The following MMP28 variants were observed in gnomAD, a reference collection of about 807,000 sequenced individuals.
MMP28 encodes matrix metallopeptidase 28, also known as matrix metalloproteinase-28.
Under a neutral mutation model 60.5 loss-of-function variants are expected in MMP28, and 55 were observed. That is an observed-to-expected ratio of 0.91 (90% CI 0.73 to 1.14). The LOEUF (loss-of-function observed/expected upper bound fraction) is 1.14. MMP28 is among the 50% of genes most tolerant of loss of function. MMP28 has a pLI of 0.00. For missense variants in MMP28, 686 were observed against 738.3 expected (o/e 0.93, Z 0.82); for synonymous variants, 318 against 312.5 (o/e 1.02, Z -0.18).
chr17:35,769,954 G>C (rs1466503923), intron 5 of MMP28, 113 bp downstream of exon 5: 14 of 1,354,656 alleles, frequency 1.0e-5, no homozygotes, highest in Non-Finnish European at 1.4e-5. Context: ...CGACAGGGAG[G>C]CCAGATCTAT....
At chr17:35,777,421 C>A (rs1555607895) in intron 3 of MMP28, among the ~76,000 whole-genome samples, 1 of 152,182 alleles carries the variant, frequency 6.6e-6, no homozygotes, top group Non-Finnish European at 1.5e-5. Context: ...GTACTGAGGA[C>A]CCAGAGTGGC....
chr17:35,765,861 C>T, downstream of MMP28: 4 of 985,488 alleles, frequency 4.1e-6, no homozygotes, highest in Non-Finnish European at 4.8e-6. Context: ...CCAAGGAAGG[C>T]TGCTTCCTGC....
intron 5 of MMP28, among the ~76,000 whole-genome samples, chr17:35,768,954 G>A (rs1487918150): frequency 6.6e-6 from 1 of 152,206 alleles, no homozygotes; most frequent in Non-Finnish European, 1.5e-5. Flanking sequence ...GAACTAAGCG[G>A]GTCAGGGAGT....
intron 2 of MMP28, among the ~76,000 whole-genome samples, chr17:35,757,819 AGGCTGGAGT>A (rs2085757193): frequency 1.3e-5 from 2 of 152,248 alleles, no homozygotes; most frequent in East Asian, 3.9e-4. Flanking sequence ...TATGTTGCCG[AGGCTGGAGT>A]GCAGTGGCTA....
chr17:35,770,848 G>A (rs1370707888), intron 4 of MMP28, among the ~76,000 whole-genome samples: 2 of 151,830 alleles, frequency 1.3e-5, no homozygotes, highest in African/African-American at 2.4e-5. Flanking sequence ...CCAGGAGTTC[G>A]AGACCAGCCT....
At chr17:35,756,822 GAGGACTCAGAATAAGTCAT>G (rs2085744534) in intron 2 of MMP28, among the ~76,000 whole-genome samples, 1 of 151,978 alleles carries the variant, frequency 6.6e-6, no homozygotes, top group Non-Finnish European at 1.5e-5. Flanking sequence ...TATTTCCTAA[GAGGACTCAGAATAAGTCAT>G]AGGGCCTGTC....
chr17:35,763,960 C>T (rs190465260), downstream of MMP28: 57 of 1,364,522 alleles, frequency 4.2e-5, no homozygotes, highest in African/African-American at 8.0e-4. Context: ...ATTCTGGACC[C>T]TTTCTCGGGG....
At position 35,773,165 on chromosome 17, in the gene MMP28, G is replaced by T. The variant is rs1210883039; in HGVS notation, c.604+15C>A. On this transcript the variant is annotated intron_variant, in intron 4 of 7. Transcript: ENST00000605424. ...TCCCCTCCTGCTGTGCGGGAGGGAGGCTTTGTGCCAGCACCTGGGCCATCA... is the reference window on the plus strand; with the variant it reads ...TCCCCTCCTGCTGTGCGGGAGGGAGTCTTTGTGCCAGCACCTGGGCCATCA... 6.2e-7 allele frequency: 1 copy of T among 1,610,210 alleles called. No homozygotes were observed. Among genetic ancestry groups the T allele is most frequent in the East Asian group, 2.2e-5 (1 of 44,766 alleles).
chr17:35,786,717 A>AAAAAAAAAAAAAAAAAAAAAAATT, intron 1 of MMP28, among the ~76,000 whole-genome samples: 1 of 151,118 alleles, frequency 6.6e-6, no homozygotes, highest in African/African-American at 2.4e-5. Context: ...AAAAAAAAAG[A>AAAAAAAAAAAAAAAAAAAAAAATT]TGAATGATAG....
intron 3 of MMP28, among the ~76,000 whole-genome samples, chr17:35,774,706 G>A (rs1287889693): frequency 6.6e-6 from 1 of 152,140 alleles, no homozygotes; most frequent in Non-Finnish European, 1.5e-5. Context: ...CGCCTCCCTG[G>A]GCCTGTTTGG....
intron 1 of MMP28, among the ~76,000 whole-genome samples, chr17:35,782,344 C>T (rs1397733088): frequency 2.6e-5 from 4 of 152,126 alleles, no homozygotes; most frequent in African/African-American, 9.7e-5. Flanking sequence ...CGTGAGCCAC[C>T]GCGCCCAGCC....
intron 2 of MMP28, among the ~76,000 whole-genome samples, chr17:35,758,869 T>G (rs1555600922): frequency 6.6e-6 from 1 of 151,554 alleles, no homozygotes; most frequent in East Asian, 1.9e-4. Flanking sequence ...CTAGGCAGAT[T>G]AGGGTTGGGG....
At chr17:35,764,499 T>A, downstream of MMP28, 1 of 1,586,624 alleles carries the variant, frequency 6.3e-7, no homozygotes, top group Non-Finnish European at 8.6e-7. Context: ...GGGCTGTGCT[T>A]GCTGCGAGCT....
chr17:35,762,483 A>T (rs79277945), downstream of MMP28, among the ~76,000 whole-genome samples: 9,000 of 152,188 alleles, frequency 0.059, 335 homozygotes, highest in South Asian at 0.18. Flanking sequence ...TCAGCCCAGG[A>T]ACTTTCTGCT....
In MMP28 at chr17:35,789,438, T is replaced by C. The variant is rs536952737; in HGVS notation, c.111+5829A>G. 6.6e-5 allele frequency among the ~76,000 whole-genome samples: 10 copies of C among 152,362 alleles called. No homozygotes were observed. In the South Asian group the frequency reaches 1.9e-3, roughly 28 times the overall value. On this transcript the variant is annotated intron_variant, in intron 1 of 7. Transcript: ENST00000605424. ...TTATTTCTTTCTTTCCTGTGCCGTTTTGGTTTAATTTGTTCTTTCTTCAGA... is the reference window on the plus strand; with the variant it reads ...TTATTTCTTTCTTTCCTGTGCCGTTCTGGTTTAATTTGTTCTTTCTTCAGA...
Position 35,768,312 on chromosome 17 carries a change from C to T in MMP28, c.918G>A (p.Trp306Ter), listed in dbSNP as rs1555604280. 1 of 1,613,254 alleles carries T rather than the reference C, an allele frequency of 6.2e-7. No homozygotes were observed. The highest frequency in any genetic ancestry group is 1.1e-5 in the South Asian group (1 of 91,064). Reference sequence around the variant, plus strand: ...GCCTTCCTTGGGGGCTGTAGGAGTCCCAGGTCTCAAAGTCAGTGAACAGCT... The same window carrying T: ...GCCTTCCTTGGGGGCTGTAGGAGTCTCAGGTCTCAAAGTCAGTGAACAGCT... ...PGKLFTDFET[W>*]DSYSPQGRRP... The change falls in exon 6 of 8, where the codon TGG becomes TGA. Residue 306 changes from tryptophan to a stop codon, truncating the protein, a stop_gained. Transcript: ENST00000605424. LOFTEE classifies it high-confidence loss of function.
chr17:35,759,492 G>A (rs1555601083), intron 2 of MMP28, among the ~76,000 whole-genome samples: 1 of 152,182 alleles, frequency 6.6e-6, no homozygotes, highest in Non-Finnish European at 1.5e-5. Flanking sequence ...ACGACGTCAG[G>A]AGATCGAGAC....
In MMP28 at chr17:35,795,346, G is replaced by A. The variant is rs1292593615; in HGVS notation, c.32C>T (p.Ala11Val). The change falls in exon 1 of 8, where the codon GCC becomes GTC. Residue 11 changes from alanine to valine, a missense_variant. Physicochemically the swap from Ala to Val is moderately conservative, Grantham distance 64. Transcript: ENST00000605424. MVARVGLLLR[A>V]LQLLLWGHLD... ...GTGGCCCCACAGTAGCAGCTGCAGG[G>A]CGCGCAGCAGGAGGCCGACGCGCGC... The A allele has an allele frequency of 2.7e-6, 4 of 1,460,498 alleles. No individual in the cohort carries two copies. The highest frequency in any genetic ancestry group is 2.7e-5 in the South Asian group (2 of 74,564). 90.5% of individuals were successfully genotyped at this position (1,460,498 alleles called of 1,614,324 possible).
chr17:35,782,427 A>G (rs1481822488), intron 1 of MMP28, among the ~76,000 whole-genome samples: 1 of 152,184 alleles, frequency 6.6e-6, no homozygotes, highest in East Asian at 1.9e-4. Flanking sequence ...ACAAGTTGGG[A>G]ATGAAGCTAG....
Sources: gnomAD v4.1 joint callset for allele counts (sites outside exome capture counted in the v4.1 genomes callset) on GRCh38, gnomAD v4.1.1 for gene constraint, MANE v1.5 for transcripts, NCBI Gene and HGNC (gene_info 2026-07-23, HGNC 2026-07-21) for gene names.